HECTD2: variants seen among roughly 807,000 people sequenced by gnomAD.
HECTD2 encodes probable E3 ubiquitin-protein ligase HECTD2.
Under a neutral mutation model 103.2 loss-of-function variants are expected in HECTD2, and 35 were observed. The observed-to-expected ratio is 0.34, with a 90% CI of 0.26 to 0.45. HECTD2 has a LOEUF of 0.45. Among genes scored for constraint, HECTD2 ranks in the 20% least tolerant of loss-of-function variants. The pLI, the probability that HECTD2 is intolerant of heterozygous loss-of-function variation, is 1.00. For missense variants in HECTD2, 596 were observed against 937.4 expected (o/e 0.64, Z 4.76); for synonymous variants, 281 against 329.9 (o/e 0.85, Z 1.61).
At chr10:91,490,353 T>C (rs1160672440) in intron 11 of HECTD2, among the ~76,000 whole-genome samples, 2 of 152,194 alleles carry the variant, frequency 1.3e-5, no homozygotes, top group Non-Finnish European at 2.9e-5. Context: ...ATAAACATTG[T>C]ACTGTATAAA....
intron 5 of HECTD2, 30 bp from the exon 6 acceptor site, chr10:91,478,171 A>T (rs1332263943): frequency 3.4e-6 from 5 of 1,460,876 alleles, no homozygotes; most frequent in Middle Eastern, 1.7e-4. Flanking sequence ...TGGTAATCCT[A>T]ATTACCTTAC....
Position 91,439,426 on chromosome 10 carries a change from A to G in HECTD2, c.268+14016A>G, listed in dbSNP as rs922858506. Among the ~76,000 whole-genome samples the G allele has an allele frequency of 2.6e-5, 4 of 152,126 alleles. No individual in the cohort carries two copies. In the South Asian group the frequency reaches 6.2e-4, roughly 24 times the overall value. ...ATTTCTGAGACCTTTATCCGGTTCCATTGGTCTATATATATATATCTGTTT... is the reference window on the plus strand; with the variant it reads ...ATTTCTGAGACCTTTATCCGGTTCCGTTGGTCTATATATATATATCTGTTT... On this transcript the variant is annotated intron_variant, in intron 2 of 20. Coordinates refer to ENST00000298068, the MANE Select transcript of HECTD2 (RefSeq NM_182765.6).
At chr10:91,454,680 A>C (rs1215404467) in intron 2 of HECTD2, among the ~76,000 whole-genome samples, 5 of 151,876 alleles carry the variant, frequency 3.3e-5, no homozygotes, top group East Asian at 1.9e-4. Flanking sequence ...TTAACTCGTC[A>C]TTTACATTAG....
At chr10:91,470,867 A>G (rs1845699169) in intron 5 of HECTD2, among the ~76,000 whole-genome samples, 1 of 152,146 alleles carries the variant, frequency 6.6e-6, no homozygotes, top group African/African-American at 2.4e-5. Flanking sequence ...AAGAGCTGGC[A>G]CCATTTCTAC....
chr10:91,480,145 G>A (rs1307974831), intron 6 of HECTD2, among the ~76,000 whole-genome samples: 1 of 151,886 alleles, frequency 6.6e-6, no homozygotes, highest in African/African-American at 2.4e-5. Flanking sequence ...GGCCAAACTG[G>A]GAGTTAGCTG....
chr10:91,424,270 C>G (rs956522991), intron 1 of HECTD2, among the ~76,000 whole-genome samples: 4 of 152,122 alleles, frequency 2.6e-5, no homozygotes, highest in African/African-American at 9.7e-5. Flanking sequence ...TCAGATGGCT[C>G]TACCTAACTG....
intron 1 of HECTD2, among the ~76,000 whole-genome samples, chr10:91,415,633 G>A (rs927283383): frequency 6.6e-6 from 1 of 152,154 alleles, no homozygotes; most frequent in East Asian, 1.9e-4. Flanking sequence ...AGATGTTTCC[G>A]ACTCATGTTC....
At chr10:91,465,093 G>GT (rs58531347) in intron 5 of HECTD2, among the ~76,000 whole-genome samples, 4 of 152,032 alleles carry the variant, frequency 2.6e-5, no homozygotes, top group Admixed American at 6.5e-5. Flanking sequence ...AGTAGTTTGG[G>GT]TTTTTTTCCC....
chr10:91,409,533 G>C (rs1842830062), upstream of HECTD2: 1 of 152,868 alleles, frequency 6.5e-6, no homozygotes, highest in South Asian at 2.1e-4. Context: ...GGAAGGGAGA[G>C]GCGGATTTGG....
At chr10:91,433,403 C>A (rs1205996346) in intron 2 of HECTD2, among the ~76,000 whole-genome samples, 1 of 151,874 alleles carries the variant, frequency 6.6e-6, no homozygotes, top group Middle Eastern at 3.2e-3. Context: ...TTCTCATTTT[C>A]CACCTTTGGT....
chr10:91,479,243 C>T (rs1846008100), intron 6 of HECTD2, among the ~76,000 whole-genome samples: 1 of 152,038 alleles, frequency 6.6e-6, no homozygotes, highest in South Asian at 2.1e-4. Flanking sequence ...ATAGCACATT[C>T]CTATTACTGG....
intron 5 of HECTD2, among the ~76,000 whole-genome samples, chr10:91,468,939 CA>C (rs375935105): frequency 5.6e-4 from 55 of 98,454 alleles, no homozygotes; most frequent in South Asian, 3.0e-3. Context: ...CTGTCTCACT[CA>C]AAAAAAAAAA....
rs895202722 is a variant in HECTD2 at position 91,428,869 on chromosome 10, G to T, written c.268+3459G>T. Among the ~76,000 whole-genome samples, 539 of 151,924 alleles carry T rather than the reference G, an allele frequency of 3.5e-3. 3 individuals carry two copies. Among genetic ancestry groups the T allele is most frequent in the Non-Finnish European group, 6.6e-3 (448 of 67,922 alleles). Reference sequence around the variant, plus strand: ...CTTTTCCTAATTGAATACCCTTTATGTCCTTCTCCTGTCTAATTGCCCTGG... The same window carrying T: ...CTTTTCCTAATTGAATACCCTTTATTTCCTTCTCCTGTCTAATTGCCCTGG... On this transcript the variant is annotated intron_variant, in intron 2 of 20. Coordinates refer to ENST00000298068, the MANE Select transcript of HECTD2 (RefSeq NM_182765.6).
chr10:91,496,445 C>A (rs951182644), intron 15 of HECTD2, 73 bp downstream of exon 15: 1 of 993,982 alleles, frequency 1.0e-6, no homozygotes, highest in Non-Finnish European at 1.5e-6. Flanking sequence ...AGTCTCTCCT[C>A]CTAATGCTAT....
In HECTD2 at chr10:91,483,031, C is replaced by A; in HGVS notation, c.776C>A (p.Thr259Asn). 1 of 1,589,520 alleles carries A rather than the reference C, an allele frequency of 6.3e-7. No individual in the cohort carries two copies. The highest frequency in any genetic ancestry group is 8.6e-7 in the Non-Finnish European group (1 of 1,160,730). Residue 259 changes from threonine (T) to asparagine (N), a missense_variant, in exon 8 of 21, where the codon ACC becomes AAC. Coordinates refer to ENST00000298068, the MANE Select transcript of HECTD2 (RefSeq NM_182765.6). ...IYAHLLRQIATLVEADHHFLV... is the reference protein window; with the variant it reads ...IYAHLLRQIANLVEADHHFLV... The stretch of plus-strand genomic sequence containing the variant: ...GCTCACTTGCTACGACAGATAGCTA[C>A]CTTAGTGGAAGCTGACCATCATTTC...
At chr10:91,416,021 A>T (rs923808426) in intron 1 of HECTD2, among the ~76,000 whole-genome samples, 1 of 75,570 alleles carries the variant, frequency 1.3e-5, no homozygotes, top group Non-Finnish European at 2.1e-5. Flanking sequence ...ACAAAGCCGT[A>T]AAGTCTCTTT....
chr10:91,484,948 C>T (rs1476612605), intron 9 of HECTD2, among the ~76,000 whole-genome samples: 1 of 151,906 alleles, frequency 6.6e-6, no homozygotes. Context: ...TCTGCATATT[C>T]CCTTTAATAC....
Position 91,410,369 on chromosome 10 carries a change from A to AGCAGCAGCGCCAGCC in HECTD2, c.-69_-55dup. ...AGAGCCCTCTCGCGGCCGCGGCGGC[A>AGCAGCAGCGCCAGCC]GCAGCAGCGCCAGCCCCAGCAACAC... On this transcript the variant is annotated 5_prime_UTR_variant, in exon 1 of 21. Transcript: ENST00000298068. The AGCAGCAGCGCCAGCC allele has an allele frequency of 1.9e-6, 2 of 1,029,856 alleles. No individual in the cohort carries two copies. Among genetic ancestry groups the AGCAGCAGCGCCAGCC allele is most frequent in the Non-Finnish European group, 2.5e-6 (2 of 808,312 alleles). The allele number at this position is 1,029,856 out of a possible 1,614,324, so 63.8% of individuals were successfully genotyped here.
At chr10:91,454,793 T>A (rs1447487460) in intron 2 of HECTD2, among the ~76,000 whole-genome samples, 1 of 151,910 alleles carries the variant, frequency 6.6e-6, no homozygotes, top group East Asian at 1.9e-4. Flanking sequence ...TTGTTCAATT[T>A]CCACCTGTGA....
Sources: allele counts gnomAD v4.1 joint callset (sites outside exome capture counted in the v4.1 genomes callset), GRCh38; gene constraint gnomAD v4.1.1; transcripts MANE v1.5; gene names NCBI Gene and HGNC (gene_info 2026-07-23, HGNC 2026-07-21).